Variants in TMEM154 observed in about 807,000 individuals in gnomAD.
TMEM154 encodes the protein transmembrane protein 154.
TMEM154 carries 27 observed loss-of-function variants against 24.5 expected under a neutral mutation model. That is an observed-to-expected ratio of 1.10 (90% CI 0.81 to 1.52). TMEM154 has a LOEUF of 1.52. Among genes scored for constraint, TMEM154 ranks in the 40% most tolerant of loss-of-function variants. The pLI is 0.00. For missense variants in TMEM154, 228 were observed against 213.4 expected (o/e 1.07, Z -0.43); for synonymous variants, 67 against 76.8 (o/e 0.87, Z 0.67).
intron 6 of TMEM154, among the ~76,000 whole-genome samples, chr4:152,629,583 GT>G (rs1421306407): frequency 6.6e-6 from 1 of 152,140 alleles, no homozygotes; most frequent in Admixed American, 6.6e-5. Context: ...TCTCTTTTTA[GT>G]TCCGTACTCC....
chr4:152,669,613 CAAAT>C (rs1561057890), intron 1 of TMEM154: 2 of 152,100 alleles, frequency 1.3e-5, no homozygotes, highest in Non-Finnish European at 2.9e-5. Context: ...TAATCATAAA[CAAAT>C]AAGCAAACAA....
At chr4:152,661,431 A>T (rs1728610757) in intron 1 of TMEM154, among the ~76,000 whole-genome samples, 1 of 151,846 alleles carries the variant, frequency 6.6e-6, no homozygotes, top group African/African-American at 2.4e-5. Context: ...TAGGATACAC[A>T]TGTGCTATCT....
At chr4:152,668,165 C>T (rs1446847532) in intron 1 of TMEM154, among the ~76,000 whole-genome samples, 7 of 152,166 alleles carry the variant, frequency 4.6e-5, no homozygotes, top group Non-Finnish European at 8.8e-5. Context: ...TGGAATCCTA[C>T]AGTAACCTGT....
At chr4:152,658,391 A>G (rs1197081024) in intron 1 of TMEM154, among the ~76,000 whole-genome samples, 1 of 152,230 alleles carries the variant, frequency 6.6e-6, no homozygotes, top group Non-Finnish European at 1.5e-5. Flanking sequence ...CTAGAAAAGC[A>G]AGAGCAAATC....
At chr4:152,663,399 A>G (rs1411361735) in intron 1 of TMEM154, among the ~76,000 whole-genome samples, 1 of 152,274 alleles carries the variant, frequency 6.6e-6, no homozygotes, top group African/African-American at 2.4e-5. Context: ...GGGCAAAGAG[A>G]GAGGCATTAA....
At chr4:152,656,984 A>G (rs1230527688) in intron 1 of TMEM154, among the ~76,000 whole-genome samples, 1 of 151,468 alleles carries the variant, frequency 6.6e-6, no homozygotes, top group East Asian at 1.9e-4. Context: ...GAGATAATAA[A>G]AAAGAACCAA....
At chr4:152,672,226 T>C (rs1228760116) in intron 1 of TMEM154, among the ~76,000 whole-genome samples, 1 of 151,636 alleles carries the variant, frequency 6.6e-6, no homozygotes, top group African/African-American at 2.4e-5. Context: ...CACTGTACTA[T>C]ACAGCCTGGG....
intron 1 of TMEM154, among the ~76,000 whole-genome samples, chr4:152,679,508 GTC>G (rs1729018178): frequency 2.0e-5 from 3 of 150,126 alleles, no homozygotes; most frequent in East Asian, 4.0e-4. Flanking sequence ...AATTAATCAT[GTC>G]TCTGTTTCAG....
At chr4:152,634,812 C>T (rs1330944441) in intron 6 of TMEM154, among the ~76,000 whole-genome samples, 2 of 152,058 alleles carry the variant, frequency 1.3e-5, no homozygotes, top group African/African-American at 4.8e-5. Context: ...ACAGATGATC[C>T]CTGACTTACA....
rs553110883 is a variant in TMEM154, at chr4:152,661,106, G to C, written c.65-8179C>G. ...TGTGTACATTTACTTTTCAGCGTGA[G>C]ACAACGCTGTTCACAGGTGGCCCTT... On this transcript the variant is annotated intron_variant, in intron 1 of 6. Transcript: ENST00000304385. Among the ~76,000 whole-genome samples the C allele has an allele frequency of 3.9e-5, 6 of 152,248 alleles. 1 individual carries two copies. In the South Asian group the frequency reaches 1.2e-3, roughly 32 times the overall value.
chr4:152,659,465 T>C (rs546634809), intron 1 of TMEM154, among the ~76,000 whole-genome samples: 9 of 152,306 alleles, frequency 5.9e-5, no homozygotes, highest in African/African-American at 2.2e-4. Context: ...GTAGGACGAC[T>C]GTAGTTAACA....
chr4:152,660,471 A>G (rs1728580333), intron 1 of TMEM154, among the ~76,000 whole-genome samples: 1 of 151,752 alleles, frequency 6.6e-6, no homozygotes, highest in Non-Finnish European at 1.5e-5. Context: ...ACTAAGAACC[A>G]ATCTCTATGC....
chr4:152,647,862 A>C (rs1033936728), intron 3 of TMEM154, among the ~76,000 whole-genome samples: 1 of 152,204 alleles, frequency 6.6e-6, no homozygotes, highest in Non-Finnish European at 1.5e-5. Flanking sequence ...CATTTTACAG[A>C]TGAAGAAACT....
intron 3 of TMEM154, among the ~76,000 whole-genome samples, chr4:152,651,939 A>G (rs1391179171): frequency 1.3e-5 from 2 of 152,182 alleles, no homozygotes; most frequent in South Asian, 4.1e-4. Context: ...TAATTTCAAT[A>G]TTGTTCTGTA....
chr4:152,618,802 A>G lies in TMEM154; in HGVS notation c.*9744T>C, dbSNP rs1422464271. The G allele has an allele frequency of 6.6e-6, 1 of 152,250 alleles. No individual in the cohort carries two copies. Among genetic ancestry groups the G allele is most frequent in the Non-Finnish European group, 1.5e-5 (1 of 68,040 alleles). The allele number at this position is 152,250 out of a possible 1,614,324, so 9.4% of individuals were successfully genotyped here. On this transcript the variant is annotated 3_prime_UTR_variant, in exon 7 of 7. Transcript: ENST00000304385. The stretch of plus-strand genomic sequence containing the variant: ...GATTTAATGTAGCTAAAAATACAAT[A>G]CAATACACACAATAGGACAATATGA...
At chr4:152,628,605 A>ACC in intron 6 of TMEM154, 44 bp from the exon 7 acceptor site, 2 of 980,278 alleles carry the variant, frequency 2.0e-6, no homozygotes, top group Non-Finnish European at 2.8e-6. Flanking sequence ...AAAAAAACAC[A>ACC]CACACACACA....
intron 5 of TMEM154, among the ~76,000 whole-genome samples, chr4:152,642,554 T>A (rs1337498569): frequency 2.0e-5 from 3 of 152,218 alleles, no homozygotes; most frequent in Non-Finnish European, 2.9e-5. Flanking sequence ...CAATAGAGCA[T>A]TCTAAAGTGA....
chr4:152,676,843 C>T (rs1323891873), intron 1 of TMEM154, among the ~76,000 whole-genome samples: 3 of 152,308 alleles, frequency 2.0e-5, no homozygotes, highest in Admixed American at 2.0e-4. Flanking sequence ...TCCCATTCCT[C>T]TCTGTTTGGC....
chr4:152,645,584 A>G (rs180935553), intron 3 of TMEM154, among the ~76,000 whole-genome samples: 134 of 152,308 alleles, frequency 8.8e-4, no homozygotes, highest in African/African-American at 3.0e-3. Context: ...AACCTATTGA[A>G]AAGCAAACCA....
Sources: gnomAD v4.1 joint callset for allele counts (sites outside exome capture counted in the v4.1 genomes callset) on GRCh38, gnomAD v4.1.1 for gene constraint, MANE v1.5 for transcripts, NCBI Gene and HGNC (gene_info 2026-07-23, HGNC 2026-07-21) for gene names.